The following SLC18A2 variants were observed in gnomAD, a reference collection of about 807,000 sequenced individuals.
SLC18A2 encodes solute carrier family 18 member A2.
A neutral mutation model predicts 59.2 loss-of-function variants in SLC18A2; 33 were observed. The observed-to-expected ratio is 0.56, with a 90% confidence interval of 0.42 to 0.75. The LOEUF is 0.75. Ranked by LOEUF, SLC18A2 falls within the 30% of genes least tolerant of loss-of-function variation. The pLI is 0.00. For missense variants in SLC18A2, 569 were observed against 668.6 expected (o/e 0.85, Z 1.64); for synonymous variants, 228 against 253.5 (o/e 0.90, Z 0.95).
chr10:117,268,920 AAAG>A (rs149832558), intron 13 of SLC18A2, among the ~76,000 whole-genome samples: 15,943 of 151,796 alleles, frequency 0.11, 1,108 homozygotes, highest in East Asian at 0.34. Context: ...GTGTGAACTA[AAAG>A]AAGCTAAAAC....
At chr10:117,244,334 C>T in intron 3 of SLC18A2, 21 bp downstream of exon 3, 1 of 1,587,654 alleles carries the variant, frequency 6.3e-7, no homozygotes, top group African/African-American at 1.3e-5. Flanking sequence ...CTACTTTAGT[C>T]AAAGAGTTTG....
chr10:117,241,881 T>C, intron 2 of SLC18A2, 67 bp downstream of exon 2: 1 of 1,459,122 alleles, frequency 6.9e-7, no homozygotes, highest in Non-Finnish European at 9.3e-7. Flanking sequence ...GGCACTCCAC[T>C]TACCCCTGCG....
intron 2 of SLC18A2, among the ~76,000 whole-genome samples, chr10:117,242,857 C>T (rs369335721): frequency 1.3e-5 from 2 of 152,048 alleles, no homozygotes; most frequent in Non-Finnish European, 2.9e-5. Context: ...ATTAGCCTCC[C>T]GAGTAGCTGG....
chr10:117,244,428 T>A, intron 3 of SLC18A2, 115 bp downstream of exon 3: 2 of 979,732 alleles, frequency 2.0e-6, no homozygotes, highest in Non-Finnish European at 3.0e-6. Context: ...CCATGGTGGG[T>A]GAGCTGGGGA....
intron 10 of SLC18A2, among the ~76,000 whole-genome samples, chr10:117,265,041 T>C (rs900725099): frequency 5.3e-5 from 8 of 152,238 alleles, no homozygotes; most frequent in African/African-American, 1.9e-4. Flanking sequence ...GCCACTGCTG[T>C]GCTGGGCACG....
intron 3 of SLC18A2, among the ~76,000 whole-genome samples, chr10:117,249,974 G>A (rs533000990): frequency 1.3e-5 from 2 of 152,248 alleles, no homozygotes; most frequent in Admixed American, 6.5e-5. Flanking sequence ...TGAGACAAGG[G>A]GGGCAACTCA....
At position 117,270,589 on chromosome 10, in the gene SLC18A2, A is replaced by T. The variant is rs928047613; in HGVS notation, c.1440+126A>T. The T allele has an allele frequency of 1.2e-4, 122 of 1,057,148 alleles. No individual in the cohort carries two copies. The African/African-American group carries it at 1.9e-3, about 16-fold the overall frequency. The allele number at this position is 1,057,148 out of a possible 1,614,324, so 65.5% of individuals were successfully genotyped here. On this transcript the variant is annotated intron_variant, in intron 15 of 15. Coordinates refer to ENST00000644641, the MANE Select transcript of SLC18A2 (RefSeq NM_003054.6). ...TGGTGAGAATTCCTTTTTAGTTTGT[A>T]CCACATAGAGCAGTTACTTCTTTTA...
intron 10 of SLC18A2, among the ~76,000 whole-genome samples, chr10:117,261,369 G>A (rs183447910): frequency 8.2e-4 from 125 of 152,012 alleles, no homozygotes; most frequent in South Asian, 4.8e-3. Flanking sequence ...GTGCAATGGC[G>A]CGATCTTGGC....
intron 4 of SLC18A2, 111 bp downstream of exon 4, chr10:117,253,568 GTC>G (rs1565003561): frequency 1.8e-5 from 5 of 275,570 alleles, no homozygotes; most frequent in African/African-American, 1.1e-4. Context: ...GGCGGGGGGG[GTC>G]GTGGTTGGCT....
chr10:117,244,435 G>A, intron 3 of SLC18A2, 122 bp downstream of exon 3: 1 of 874,616 alleles, frequency 1.1e-6, no homozygotes, highest in South Asian at 1.8e-5. Flanking sequence ...GGGTGAGCTG[G>A]GGAAAACCCA....
At chr10:117,249,119 A>T (rs904331396) in intron 3 of SLC18A2, among the ~76,000 whole-genome samples, 3 of 152,212 alleles carry the variant, frequency 2.0e-5, no homozygotes, top group African/African-American at 7.2e-5. Context: ...TGTAGGAACA[A>T]GCAGTGACCT....
intron 3 of SLC18A2, among the ~76,000 whole-genome samples, chr10:117,246,085 C>A (rs1844108119): frequency 6.6e-6 from 1 of 152,162 alleles, no homozygotes. Flanking sequence ...TGTTTTCTTT[C>A]CTTTTTTCAA....
chr10:117,275,755 G>A (rs1247183771), intron 15 of SLC18A2, among the ~76,000 whole-genome samples: 2 of 152,184 alleles, frequency 1.3e-5, no homozygotes, highest in East Asian at 3.9e-4. Context: ...AATACTATTG[G>A]ACAATCTGGT....
chr10:117,241,629 A>G, intron 1 of SLC18A2, 50 bp from the exon 2 acceptor site: 1 of 1,491,704 alleles, frequency 6.7e-7, no homozygotes, highest in Non-Finnish European at 8.9e-7. Context: ...GGACGGGAGA[A>G]TGGGGGGTCC....
chr10:117,241,996 G>T, intron 2 of SLC18A2, 182 bp downstream of exon 2: 1 of 530,398 alleles, frequency 1.9e-6, no homozygotes, highest in Non-Finnish European at 3.2e-6. Flanking sequence ...GCCGCGTTGT[G>T]TGGCTTCGCT....
Position 117,254,311 on chromosome 10 carries a change from A to T in SLC18A2, c.608-94A>T, listed in dbSNP as rs363413. ...TAGTGAATCTGACAGGTTTGGGAAG[A>T]TCACAAGGCTGGCTGGAGAGGGAAG... On this transcript the variant is annotated intron_variant, in intron 5 of 15. Transcript: ENST00000644641. 2,961 of 1,254,800 alleles carry T rather than the reference A, an allele frequency of 2.4e-3. 45 individuals are homozygous for T. In the African/African-American group the frequency reaches 0.035, roughly 15 times the overall value. The allele number at this position is 1,254,800 out of a possible 1,614,324, so 77.7% of individuals were successfully genotyped here. A position where few individuals can be genotyped will look rare whatever the true frequency, so the allele number is the denominator to read the frequency against.
intron 10 of SLC18A2, among the ~76,000 whole-genome samples, chr10:117,264,913 A>T (rs567045694): frequency 6.6e-6 from 1 of 152,144 alleles, no homozygotes; most frequent in Admixed American, 6.5e-5. Flanking sequence ...AGAGCATGAC[A>T]CCTGTGTTTT....
chr10:117,243,874 C>G (rs1844080267), intron 2 of SLC18A2, 97 bp from the exon 3 acceptor site: 1 of 980,396 alleles, frequency 1.0e-6, no homozygotes, highest in Non-Finnish European at 1.5e-6. Context: ...GTGTGAGCCA[C>G]TGCTCCCTGC....
In SLC18A2 at chr10:117,255,329, G is replaced by A. The variant is rs926621814; in HGVS notation, c.753G>A (p.Pro251=). 1.4e-5 allele frequency: 22 copies of A among 1,614,128 alleles called. No homozygotes were observed. The highest frequency in any genetic ancestry group is 1.6e-4 in the Middle Eastern group (1 of 6,084). Residue 251 remains proline (P), a synonymous_variant, in exon 7 of 16, where the codon CCG becomes CCA. Coordinates refer to ENST00000644641, the MANE Select transcript of SLC18A2 (RefSeq NM_003054.6). The part of the protein sequence containing the change: ...VLYEFVGKTA[P]FLVLAALVLL... Reference sequence around the variant, plus strand: ...ATGAGTTTGTGGGGAAGACGGCTCCGTTCCTGGTGCTGGCCGCCCTGGTAC... The same window carrying A: ...ATGAGTTTGTGGGGAAGACGGCTCCATTCCTGGTGCTGGCCGCCCTGGTAC...
Sources: gnomAD v4.1 joint callset for allele counts (sites outside exome capture counted in the v4.1 genomes callset) on GRCh38, gnomAD v4.1.1 for gene constraint, MANE v1.5 for transcripts, NCBI Gene and HGNC (gene_info 2026-07-23, HGNC 2026-07-21) for gene names.